Variants in EIF3A observed in about 807,000 individuals in gnomAD.
EIF3A encodes the protein EIF3, p180 subunit.
EIF3A carries 21 observed loss-of-function variants against 186.6 expected under a neutral mutation model. That is an observed-to-expected ratio of 0.11 (90% CI 0.08 to 0.16). The LOEUF is 0.16. Ranked by LOEUF, EIF3A falls within the 10% of genes least tolerant of loss-of-function variation. The probability of loss-of-function intolerance (pLI) is 1.00; values close to 1 mark genes in which losing one functional copy is unlikely to be tolerated. For synonymous variants in EIF3A, 563 were observed against 584.3 expected (o/e 0.96, Z 0.52); for missense variants, 1,306 against 1,796.3 (o/e 0.73, Z 4.93).
At chr10:119,062,787 A>C (rs867334435) in intron 7 of EIF3A, among the ~76,000 whole-genome samples, 108 of 115,388 alleles carry the variant, frequency 9.4e-4, no homozygotes, top group African/African-American at 3.5e-3. Context: ...TTGCTCTGTC[A>C]CCCAGGCTAG....
At position 119,073,855 on chromosome 10, in the gene EIF3A, T is replaced by C. The variant is rs1282204187; in HGVS notation, c.132A>G (p.Gln44=). Residue 44 remains glutamine (Q), a synonymous_variant, in exon 2 of 22, where the codon CAA becomes CAG. Transcript: ENST00000369144. ...VMKSKKHRTW[Q]KIHEPIMLKY... is the part of the protein sequence containing the mutation. ...TCAACATAATTGGTTCGTGTATCTT[T>C]TGCCATGTTCTATGTTTTTTACTTT... 1 of 1,613,782 alleles carries C rather than the reference T, an allele frequency of 6.2e-7. No individual in the cohort carries two copies. Among genetic ancestry groups the C allele is most frequent in the Non-Finnish European group, 8.5e-7 (1 of 1,179,910 alleles).
rs765075620 is a variant in EIF3A at position 119,042,129 on chromosome 10, G to A, written c.3391C>T (p.Arg1131Cys). ...RNADDDRIPR[R>C]GAEDDRGPWR... ...GGGCCCCTGTCATCCTCTGCACCAC[G>A]CCTGGGAATTCTGTCATCATCGGCG... is the stretch of plus-strand genomic sequence containing the variant. Residue 1131 changes from arginine (R) to cysteine (C), a missense_variant, in exon 19 of 22, where the codon CGT becomes TGT. Coordinates refer to ENST00000369144, the MANE Select transcript of EIF3A (RefSeq NM_003750.4). The surrounding 1 kb of genome is among the most constrained non-coding windows in gnomAD (Gnocchi z 7.8). The A allele has an allele frequency of 7.4e-6, 12 of 1,613,936 alleles. No homozygotes were observed. Among genetic ancestry groups the A allele is most frequent in the Non-Finnish European group, 1.0e-5 (12 of 1,180,030 alleles).
At position 119,080,748 on chromosome 10, in the gene EIF3A, G is replaced by C; in HGVS notation, c.-72C>G. 2 of 1,538,126 alleles carry C rather than the reference G, an allele frequency of 1.3e-6. No individual in the cohort carries two copies. The highest frequency in any genetic ancestry group is 1.8e-6 in the Non-Finnish European group (2 of 1,142,432). The stretch of plus-strand genomic sequence containing the variant: ...GCCCGGGCCGGGAGAGGAGACGAAG[G>C]GGAACCAGCGTAAGGTCCCACGCGC... On this transcript the variant is annotated 5_prime_UTR_variant, in exon 1 of 22. Transcript: ENST00000369144.
rs776619593 is a variant in EIF3A at position 119,058,190 on chromosome 10, G to A, written c.1743C>T (p.Arg581=). The A allele has an allele frequency of 1.9e-6, 3 of 1,613,898 alleles. No homozygotes were observed. In the East Asian group the frequency reaches 6.7e-5, roughly 36 times the overall value. The change falls in exon 12 of 22, where the codon CGC becomes CGT. Residue 581 remains arginine (R), a synonymous_variant. Transcript: ENST00000369144. ...CACGCTGAATATTCAGACTCTCAAG[G>A]CGCTCTTTTCTCTCCTCAATTGTCT... ...RRQTIEERKE[R]LESLNIQREK... is the part of the protein sequence containing the mutation.
In EIF3A at chr10:119,050,502, T is replaced by G; in HGVS notation, c.2473+19A>C. ...CAACCTTGCATTAGCACCCCTCCAA[T>G]CCTGTTTGACCTGTGTACCTTTTAG... is the stretch of plus-strand genomic sequence containing the variant. On this transcript the variant is annotated intron_variant, in intron 16 of 21. Coordinates refer to ENST00000369144, the MANE Select transcript of EIF3A (RefSeq NM_003750.4). 3 of 1,610,588 alleles carry G rather than the reference T, an allele frequency of 1.9e-6. No homozygotes were observed. Among genetic ancestry groups the G allele is most frequent in the Non-Finnish European group, 2.5e-6 (3 of 1,177,438 alleles).
chr10:119,071,563 A>C (rs1844071162), intron 4 of EIF3A, among the ~76,000 whole-genome samples: 1 of 152,116 alleles, frequency 6.6e-6, no homozygotes, highest in Non-Finnish European at 1.5e-5. Flanking sequence ...TTAACTGGAC[A>C]CGTTAATTTT....
In EIF3A at chr10:119,035,975, A is replaced by G. The variant is rs1848122185; in HGVS notation, c.*64T>C. The stretch of plus-strand genomic sequence containing the variant: ...AATTTAGATTGGTTGAAGCACAAGT[A>G]TAATAATCCTTGAATGTGATCAAAC... On this transcript the variant is annotated 3_prime_UTR_variant, in exon 22 of 22. Transcript: ENST00000369144. 7.1e-6 allele frequency: 9 copies of G among 1,260,274 alleles called. No homozygotes were observed. Among genetic ancestry groups the G allele is most frequent in the Non-Finnish European group, 9.3e-6 (8 of 862,926 alleles). The allele number at this position is 1,260,274 out of a possible 1,614,324, so 78.1% of individuals were successfully genotyped here. A position where few individuals can be genotyped will look rare whatever the true frequency, so the allele number is the denominator to read the frequency against.
At chr10:119,065,704 T>C (rs1843961567) in intron 6 of EIF3A, 134 bp from the exon 7 acceptor site, 3 of 618,358 alleles carry the variant, frequency 4.9e-6, no homozygotes, top group African/African-American at 1.8e-5. Flanking sequence ...ACTATACTCA[T>C]AAATATTATT....
chr10:119,065,695 C>A, intron 6 of EIF3A, 125 bp from the exon 7 acceptor site: 1 of 650,272 alleles, frequency 1.5e-6, no homozygotes, highest in Non-Finnish European at 2.7e-6. Flanking sequence ...CCATGGTGCA[C>A]TATACTCATA....
rs1848223970 is a variant in EIF3A, at chr10:119,042,532, C to T, written c.2988G>A (p.Arg996=). 2 of 1,613,956 alleles carry T rather than the reference C, an allele frequency of 1.2e-6. No homozygotes were observed. Among genetic ancestry groups the T allele is most frequent in the Non-Finnish European group, 1.7e-6 (2 of 1,179,984 alleles). Residue 996 remains arginine, a synonymous_variant, in exon 19 of 22, where the codon AGG becomes AGA. Coordinates refer to ENST00000369144, the MANE Select transcript of EIF3A (RefSeq NM_003750.4). This position sits in a 1 kb window ranked among gnomAD's most constrained non-coding sequence, Gnocchi z 7.8. ...CTTCATCGGCAATTCGTCTGGGAGGCCTGTCATCATCTGTGTTACGCCAGG... is the reference window on the plus strand; with the variant it reads ...CTTCATCGGCAATTCGTCTGGGAGGTCTGTCATCATCTGTGTTACGCCAGG... The part of the protein sequence containing the change: ...RPSWRNTDDD[R]PPRRIADEDR...
At chr10:119,077,049 T>A (rs148672045) in intron 1 of EIF3A, among the ~76,000 whole-genome samples, 1 of 152,100 alleles carries the variant, frequency 6.6e-6, no homozygotes, top group Non-Finnish European at 1.5e-5. Context: ...ATGGAATTTA[T>A]ACTTTAAGAA....
Position 119,060,058 on chromosome 10 carries a change from T to TA in EIF3A, c.1327-341dup, listed in dbSNP as rs772797839. 1.4e-5 allele frequency: 7 copies of TA among 518,308 alleles called. 1 individual carries two copies. The highest frequency in any genetic ancestry group is 3.2e-4 in the Middle Eastern group (1 of 3,140). The allele number at this position is 518,308 out of a possible 1,614,324, so 32.1% of individuals were successfully genotyped here. A position where few individuals can be genotyped will look rare whatever the true frequency, so the allele number is the denominator to read the frequency against. ...GCATTACTATTTATAGTTATACTGC[T>TA]AATTAGCCTTCAATTATTTGTATAG... On this transcript the variant is annotated intron_variant, in intron 9 of 21. Coordinates refer to ENST00000369144, the MANE Select transcript of EIF3A (RefSeq NM_003750.4).
chr10:119,075,358 G>A (rs1443846340), intron 1 of EIF3A, among the ~76,000 whole-genome samples: 3 of 151,944 alleles, frequency 2.0e-5, no homozygotes, highest in Non-Finnish European at 4.4e-5. Flanking sequence ...TATGCATATT[G>A]TTTGTTTTGA....
At position 119,035,856 on chromosome 10, in the gene EIF3A, A is replaced by G. The variant is rs1848120406; in HGVS notation, c.*183T>C. 7 of 482,366 alleles carry G rather than the reference A, an allele frequency of 1.5e-5. No individual in the cohort carries two copies. Among genetic ancestry groups the G allele is most frequent in the Admixed American group, 1.4e-4 (4 of 27,930 alleles). 29.9% of individuals were successfully genotyped at this position (482,366 alleles called of 1,614,324 possible). A position where few individuals can be genotyped will look rare whatever the true frequency, so the allele number is the denominator to read the frequency against. ...TCCAGAAAATGGCATGGTTTTTCCA[A>G]CCTCCTGTGGATATGGTGCATGATC... On this transcript the variant is annotated 3_prime_UTR_variant, in exon 22 of 22. Transcript: ENST00000369144.
At position 119,037,266 on chromosome 10, in the gene EIF3A, T is replaced by G. The variant is rs1848145614; in HGVS notation, c.3772A>C (p.Ser1258Arg). The change falls in exon 21 of 22, where the codon AGC (serine) becomes CGC (arginine). Residue 1258 changes from serine (S) to arginine (R), a missense_variant. Physicochemically the swap from Ser to Arg is moderately radical, Grantham distance 110. Coordinates refer to ENST00000369144, the MANE Select transcript of EIF3A (RefSeq NM_003750.4). ...TCCCGGCGACTTGAGTCTCTCCAGC[T>G]TGAAGATTCCTCAGCTGGTCCTCTT... Reference protein sequence around the residue: ...WRRGPAEESSSWRDSSRRDDR... With the variant: ...WRRGPAEESSRWRDSSRRDDR... 6.2e-7 allele frequency: 1 copy of G among 1,614,112 alleles called. No homozygotes were observed. Among genetic ancestry groups the G allele is most frequent in the Non-Finnish European group, 8.5e-7 (1 of 1,180,014 alleles).
At chr10:119,045,199 C>A (rs530220069) in intron 17 of EIF3A, among the ~76,000 whole-genome samples, 1 of 152,276 alleles carries the variant, frequency 6.6e-6, no homozygotes, top group East Asian at 1.9e-4. Context: ...CCTGCCTAGG[C>A]TTCCCAAAGT....
At chr10:119,061,892 AT>A (rs1275649055) in intron 7 of EIF3A, among the ~76,000 whole-genome samples, 3 of 152,024 alleles carry the variant, frequency 2.0e-5, no homozygotes, top group South Asian at 2.1e-4. Context: ...GGAATATGTC[AT>A]TTTTTTTAGG....
chr10:119,049,290 T>G (rs955407743), intron 17 of EIF3A, among the ~76,000 whole-genome samples: 3 of 152,148 alleles, frequency 2.0e-5, no homozygotes, highest in Non-Finnish European at 4.4e-5. Context: ...TGAAACCATA[T>G]TTCTAATTTT....
At chr10:119,067,074 G>A (rs1484611761) in intron 6 of EIF3A, among the ~76,000 whole-genome samples, 3 of 152,122 alleles carry the variant, frequency 2.0e-5, no homozygotes, top group Non-Finnish European at 4.4e-5. Flanking sequence ...AAATTAGCCA[G>A]GCGTGGTGGC....
Sources: gnomAD v4.1 joint callset for allele counts (sites outside exome capture counted in the v4.1 genomes callset) on GRCh38, gnomAD v4.1.1 for gene constraint, Gnocchi (gnomAD v3.1) non-coding constraint, MANE v1.5 for transcripts, NCBI Gene and HGNC (gene_info 2026-07-23, HGNC 2026-07-21) for gene names.